Variants in MTMR3 observed in about 807,000 individuals in gnomAD.
MTMR3 encodes myotubularin related protein 3, also known as phosphatidylinositol-3,5-bisphosphate 3-phosphatase MTMR3.
MTMR3 carries 32 observed loss-of-function variants against 132.4 expected under a neutral mutation model. That is an observed-to-expected ratio of 0.24 (90% confidence interval 0.18 to 0.32). The LOEUF (loss-of-function observed/expected upper bound fraction) is 0.32. Among genes scored for constraint, MTMR3 ranks in the 10% least tolerant of loss-of-function variants. The pLI, the probability that MTMR3 is intolerant of heterozygous loss-of-function variation, is 1.00. For missense variants in MTMR3, 1,216 were observed against 1,489.6 expected (o/e 0.82, Z 3.02); for synonymous variants, 556 against 550.3 (o/e 1.01, Z -0.14).
rs938200412 is a variant in MTMR3 at position 29,921,124 on chromosome 22, G to T, written c.-137-35912G>T. On this transcript the variant is annotated intron_variant, in intron 1 of 19. Coordinates refer to ENST00000401950, the MANE Select transcript of MTMR3 (RefSeq NM_021090.4). Reference sequence around the variant, plus strand: ...TTTATAAAGAAAATAGTTTTATTTGGCTCAAAGTTCTGCAGGCTGTACAAG... The same window carrying T: ...TTTATAAAGAAAATAGTTTTATTTGTCTCAAAGTTCTGCAGGCTGTACAAG... Among the ~76,000 whole-genome samples, 7 of 152,150 alleles carry T rather than the reference G, an allele frequency of 4.6e-5. No individual in the cohort carries two copies. The South Asian group carries it at 1.2e-3, about 27-fold the overall frequency.
intron 7 of MTMR3, chr22:29,993,746 A>G (rs775682012): frequency 5.9e-5 from 9 of 152,188 alleles, no homozygotes; most frequent in Non-Finnish European, 1.0e-4. Flanking sequence ...TCTTTTAATT[A>G]TGGGTGGCTC....
intron 1 of MTMR3, among the ~76,000 whole-genome samples, chr22:29,908,214 G>A (rs923264249): frequency 6.6e-6 from 1 of 152,198 alleles, no homozygotes; most frequent in Non-Finnish European, 1.5e-5. Flanking sequence ...GATGAGAACA[G>A]CCTTATAGTG....
At chr22:29,911,564 G>A (rs945710021) in intron 1 of MTMR3, among the ~76,000 whole-genome samples, 1 of 146,338 alleles carries the variant, frequency 6.8e-6, no homozygotes, top group African/African-American at 2.5e-5. Context: ...TTTTAATTTT[G>A]TGTAAAATAG....
intron 1 of MTMR3, among the ~76,000 whole-genome samples, chr22:29,937,575 G>T (rs947861324): frequency 6.6e-6 from 1 of 151,904 alleles, no homozygotes; most frequent in Non-Finnish European, 1.5e-5. Flanking sequence ...AGGTGCCGCC[G>T]CACCCAAACT....
chr22:29,949,647 T>TA (rs566021150), intron 1 of MTMR3, among the ~76,000 whole-genome samples: 133 of 151,462 alleles, frequency 8.8e-4, no homozygotes, highest in Non-Finnish European at 1.3e-3. Context: ...TAAGCCTTAT[T>TA]AAAAAAAAAC....
chr22:29,913,258 A>G (rs772762730), intron 1 of MTMR3, among the ~76,000 whole-genome samples: 1 of 152,152 alleles, frequency 6.6e-6, no homozygotes, highest in Non-Finnish European at 1.5e-5. Context: ...AAACAAAAAC[A>G]GAAACAAAGG....
intron 14 of MTMR3, 127 bp downstream of exon 14, chr22:30,013,668 T>G (rs1207136545): frequency 1.1e-6 from 1 of 946,926 alleles, no homozygotes; most frequent in African/African-American, 1.7e-5. Flanking sequence ...TTTTCCTGTT[T>G]CTGCTTTTTT....
At chr22:29,956,246 GT>G (rs1291574254) in intron 1 of MTMR3, among the ~76,000 whole-genome samples, 1 of 151,848 alleles carries the variant, frequency 6.6e-6, no homozygotes, top group Non-Finnish European at 1.5e-5. Context: ...AGAATTCTTT[GT>G]TTTTGTTTTG....
chr22:29,906,438 C>T lies in MTMR3; in HGVS notation c.-138+23079C>T, dbSNP rs1431954867. 2.0e-5 allele frequency among the ~76,000 whole-genome samples: 3 copies of T among 152,142 alleles called. No homozygotes were observed. In the East Asian group the frequency reaches 5.8e-4, roughly 30 times the overall value. ...TCTCCTCCCGGGTTCAAGCAATTCT[C>T]CTGCCTCAGCCTCCCTAGTAGCTGG... On this transcript the variant is annotated intron_variant, in intron 1 of 19. Transcript: ENST00000401950.
intron 19 of MTMR3, 57 bp downstream of exon 19, chr22:30,022,754 A>C: frequency 3.4e-6 from 5 of 1,456,620 alleles, no homozygotes; most frequent in Non-Finnish European, 4.7e-6. Context: ...GGGTCGGCCC[A>C]CAGAGCCTGC....
intron 1 of MTMR3, among the ~76,000 whole-genome samples, chr22:29,917,990 T>C (rs1043011578): frequency 6.6e-6 from 1 of 152,242 alleles, no homozygotes; most frequent in Non-Finnish European, 1.5e-5. Context: ...TAATTTATTT[T>C]GAAATTGTAA....
chr22:30,006,411 A>G (rs1323625117), intron 9 of MTMR3: 1 of 152,226 alleles, frequency 6.6e-6, no homozygotes. Flanking sequence ...TGGGCCAGGT[A>G]AATGTTTTAT....
chr22:30,018,348 A>T, intron 16 of MTMR3: 1 of 368,082 alleles, frequency 2.7e-6, no homozygotes, highest in Non-Finnish European at 4.8e-6. Flanking sequence ...TTTTTCTGTG[A>T]CCCCCTGGTT....
rs1221441849 is a variant in MTMR3, at chr22:30,030,689, A to AT, written c.*4889dup. On this transcript the variant is annotated 3_prime_UTR_variant, in exon 20 of 20. Coordinates refer to ENST00000401950, the MANE Select transcript of MTMR3 (RefSeq NM_021090.4). ...CAGAGGCAGGGTTCATGGATTCCTG[A>AT]TGTTTAGAGGCGGAAGGGACCTTAG... The AT allele has an allele frequency of 2.0e-5, 3 of 147,846 alleles. No individual in the cohort carries two copies. The highest frequency in any genetic ancestry group is 7.5e-5 in the African/African-American group (3 of 39,988). The allele number at this position is 147,846 out of a possible 1,614,324, so 9.2% of individuals were successfully genotyped here. A position where few individuals can be genotyped will look rare whatever the true frequency, so the allele number is the denominator to read the frequency against.
At chr22:29,951,151 A>G (rs950682101) in intron 1 of MTMR3, among the ~76,000 whole-genome samples, 7 of 151,998 alleles carry the variant, frequency 4.6e-5, no homozygotes, top group Non-Finnish European at 8.8e-5. Flanking sequence ...CTCAGTCTCA[A>G]AAAAAAAGTA....
intron 2 of MTMR3, among the ~76,000 whole-genome samples, chr22:29,965,177 C>T (rs180934994): frequency 1.6e-4 from 25 of 151,768 alleles, no homozygotes; most frequent in Non-Finnish European, 1.3e-4. Context: ...CTGTCTTCTG[C>T]GATGGTATAT....
chr22:29,946,219 A>G (rs2065951438), intron 1 of MTMR3, among the ~76,000 whole-genome samples: 2 of 152,206 alleles, frequency 1.3e-5, no homozygotes, highest in African/African-American at 4.8e-5. Flanking sequence ...CTAGACTGGA[A>G]TACCTAGAAC....
rs373114907 is a variant in MTMR3 at position 29,988,019 on chromosome 22, TA to T, written c.211-459del. 196 of 152,890 alleles carry T rather than the reference TA, an allele frequency of 1.3e-3. 1 individual carries two copies. The South Asian group carries it at 0.029, about 23-fold the overall frequency. The allele number at this position is 152,890 out of a possible 1,614,324, so 9.5% of individuals were successfully genotyped here. ...AGCCTCATTGGCTGACACTAAGCCA[TA>T]AGCCCACTCTGTCATTTGGGGCAAA... On this transcript the variant is annotated intron_variant, in intron 5 of 19. Coordinates refer to ENST00000401950, the MANE Select transcript of MTMR3 (RefSeq NM_021090.4).
intron 7 of MTMR3, chr22:29,996,662 C>T (rs1163501790): frequency 6.6e-6 from 1 of 152,092 alleles, no homozygotes; most frequent in South Asian, 2.1e-4. Context: ...CACAGTTTTG[C>T]AGCTTTTAGA....
Sources: gnomAD v4.1 joint callset for allele counts (sites outside exome capture counted in the v4.1 genomes callset) on GRCh38, gnomAD v4.1.1 for gene constraint, MANE v1.5 for transcripts, NCBI Gene and HGNC (gene_info 2026-07-23, HGNC 2026-07-21) for gene names.